The following PRRG2 variants were observed in gnomAD, a reference collection of about 807,000 sequenced individuals.
PRRG2 encodes proline rich and Gla domain 2.
In PRRG2, 23 loss-of-function variants were observed where a neutral mutation model predicts 27.1. The ratio of observed to expected loss-of-function variants is 0.85; its 90% CI spans 0.61 to 1.20. The LOEUF (loss-of-function observed/expected upper bound fraction) is 1.20. PRRG2 is among the 50% of genes most tolerant of loss of function. The probability of loss-of-function intolerance (pLI) is 0.00; values close to 1 mark genes in which losing one functional copy is unlikely to be tolerated. For synonymous variants in PRRG2, 104 were observed against 103.4 expected (o/e 1.01, Z -0.03); for missense variants, 276 against 254.8 (o/e 1.08, Z -0.57).
At position 49,590,401 on chromosome 19, in the gene PRRG2, C is replaced by G. The variant is rs746771081; in HGVS notation, c.*12C>G. The G allele has an allele frequency of 1.2e-6, 2 of 1,614,076 alleles. No individual in the cohort carries two copies. Among genetic ancestry groups the G allele is most frequent in the South Asian group, 1.1e-5 (1 of 91,082 alleles). On this transcript the variant is annotated 3_prime_UTR_variant, in exon 7 of 7. Coordinates refer to ENST00000246794, the MANE Select transcript of PRRG2 (RefSeq NM_000951.3). Reference sequence around the variant, plus strand: ...GGAGGCCTCACTGAAGAGCTGCTTTCGAGACCCGGCTCTCCGAACCGTGCC... The same window carrying G: ...GGAGGCCTCACTGAAGAGCTGCTTTGGAGACCCGGCTCTCCGAACCGTGCC...
Position 49,590,358 on chromosome 19 carries a change from T to C in PRRG2, c.591-13T>C. The C allele has an allele frequency of 6.2e-7, 1 of 1,614,160 alleles. No individual in the cohort carries two copies. Among genetic ancestry groups the C allele is most frequent in the South Asian group, 1.1e-5 (1 of 91,080 alleles). On this transcript the variant is annotated splice_polypyrimidine_tract_variant and intron_variant, in intron 6 of 6. Coordinates refer to ENST00000246794, the MANE Select transcript of PRRG2 (RefSeq NM_000951.3). The stretch of plus-strand genomic sequence containing the variant: ...CAGATCTTTGACTCCCTAGTGTGCC[T>C]TTCCTCTTGCAGCCTCAGGAGGCCT...
Position 49,583,637 on chromosome 19 carries a change from G to C in PRRG2, c.181G>C (p.Gly61Arg), listed in dbSNP as rs1256214467. ...CTGGGACCTGGAGCTGCTCACACCA[G>C]GGAACCTGGAACGGGAGTGTCTGGA... The part of the protein sequence containing the change: ...NHWDLELLTP[G>R]NLERECLEER... Residue 61 changes from glycine (G) to arginine (R), a missense_variant, in exon 3 of 7, where the codon GGG becomes CGG. Physicochemically the swap from Gly to Arg is moderately radical, Grantham distance 125 (BLOSUM62 -2). Transcript: ENST00000246794. The C allele has an allele frequency of 1.2e-6, 2 of 1,614,210 alleles. No homozygotes were observed. Among genetic ancestry groups the C allele is most frequent in the Non-Finnish European group, 1.7e-6 (2 of 1,180,036 alleles).
At chr19:49,583,999 C>A (rs1392444309) in intron 4 of PRRG2, 47 bp downstream of exon 4, 1 of 1,561,186 alleles carries the variant, frequency 6.4e-7, no homozygotes, top group African/African-American at 1.4e-5. Flanking sequence ...CTAAGGTAGT[C>A]CCTTCCCAGC....
chr19:49,589,966 C>G lies in PRRG2; in HGVS notation c.504C>G (p.Pro168=). ...PLGPPTPLPP[P]PPPPPGLPTY... The stretch of plus-strand genomic sequence containing the variant: ...GCCCACCGACGCCCCTGCCTCCACC[C>G]CCACCCCCACCCCCAGGCCTCCCCA... The change falls in exon 6 of 7, where the codon CCC becomes CCG. Residue 168 remains proline (P), a synonymous_variant. Transcript: ENST00000246794. 4 of 1,540,462 alleles carry G rather than the reference C, an allele frequency of 2.6e-6. No individual in the cohort carries two copies. The highest frequency in any genetic ancestry group is 3.5e-6 in the Non-Finnish European group (4 of 1,145,272).
At chr19:49,584,232 G>T (rs1265271614) in intron 4 of PRRG2, among the ~76,000 whole-genome samples, 3 of 149,462 alleles carry the variant, frequency 2.0e-5, no homozygotes, top group Non-Finnish European at 4.4e-5. Context: ...GTGCAATGGT[G>T]CGATCTCGGC....
At position 49,588,567 on chromosome 19, in the gene PRRG2, C is replaced by A; in HGVS notation, c.372C>A (p.Ala124=). Residue 124 remains alanine (A), a synonymous_variant, in exon 5 of 7, where the codon GCC becomes GCA. Coordinates refer to ENST00000246794, the MANE Select transcript of PRRG2 (RefSeq NM_000951.3). ...LTGGILLIVL[A]GLGAFWYLRW... ...GTGGCATCCTGCTCATTGTCCTGGC[C>A]GGCCTGGGAGCCTTTTGGTATCTGC... 6.4e-7 allele frequency: 1 copy of A among 1,561,382 alleles called. No individual in the cohort carries two copies.
intron 6 of PRRG2, 152 bp from the exon 7 acceptor site, chr19:49,590,219 G>A: frequency 1.4e-6 from 2 of 1,432,698 alleles, no homozygotes; most frequent in South Asian, 2.4e-5. Flanking sequence ...GTGGCCCAGC[G>A]TTGTATGTGT....
At chr19:49,582,133 C>T (rs191469119) in intron 1 of PRRG2, among the ~76,000 whole-genome samples, 225 of 148,238 alleles carry the variant, frequency 1.5e-3, no homozygotes, top group African/African-American at 5.2e-3. Flanking sequence ...CTCAACTACC[C>T]GGGAGGCTGA....
intron 5 of PRRG2, 103 bp from the exon 6 acceptor site, chr19:49,589,797 C>G (rs2080700895): frequency 1.5e-6 from 2 of 1,311,092 alleles, no homozygotes; most frequent in African/African-American, 2.9e-5. Context: ...CCAGCTCTGT[C>G]CCAGTGTCAC....
At chr19:49,590,262 G>C in intron 6 of PRRG2, 109 bp from the exon 7 acceptor site, 1 of 1,543,768 alleles carries the variant, frequency 6.5e-7, no homozygotes, top group Non-Finnish European at 8.9e-7. Flanking sequence ...CCTGTGCCCA[G>C]AGGGTCCTGG....
chr19:49,581,667 C>T (rs781568147), intron 1 of PRRG2, among the ~76,000 whole-genome samples, 186 bp downstream of exon 1: 1 of 152,056 alleles, frequency 6.6e-6, no homozygotes, highest in African/African-American at 2.4e-5. Context: ...TCTTTGTTGT[C>T]TGTGGGTGGA....
intron 5 of PRRG2, 138 bp from the exon 6 acceptor site, chr19:49,589,762 T>C: frequency 1.1e-6 from 1 of 947,372 alleles, no homozygotes; most frequent in Admixed American, 2.1e-5. Flanking sequence ...AAGGTGACCC[T>C]CCTTTTCTGA....
Position 49,590,795 on chromosome 19 carries a change from CGT to C in PRRG2, c.*409_*410del. On this transcript the variant is annotated 3_prime_UTR_variant, in exon 7 of 7. Transcript: ENST00000246794. ...ACGCAGAGCCCCGCCTGTGCACACG[CGT>C]GTCTTCGTGCACTCCCCGTGCGGTA... 3.8e-6 allele frequency: 1 copy of C among 265,248 alleles called. No homozygotes were observed. The highest frequency in any genetic ancestry group is 1.1e-4 in the East Asian group (1 of 9,218). 16.4% of individuals were successfully genotyped at this position (265,248 alleles called of 1,614,324 possible).
Position 49,590,413 on chromosome 19 carries a change from C to T in PRRG2, c.*24C>T, listed in dbSNP as rs1415189838. On this transcript the variant is annotated 3_prime_UTR_variant, in exon 7 of 7. Transcript: ENST00000246794. Reference sequence around the variant, plus strand: ...GAAGAGCTGCTTTCGAGACCCGGCTCTCCGAACCGTGCCCCTGATTCATAC... The same window carrying T: ...GAAGAGCTGCTTTCGAGACCCGGCTTTCCGAACCGTGCCCCTGATTCATAC... 3 of 1,614,074 alleles carry T rather than the reference C, an allele frequency of 1.9e-6. No individual in the cohort carries two copies. The highest frequency in any genetic ancestry group is 4.5e-5 in the East Asian group (2 of 44,892).
chr19:49,587,862 G>T (rs1315141483), intron 4 of PRRG2, among the ~76,000 whole-genome samples: 2 of 151,854 alleles, frequency 1.3e-5, no homozygotes, highest in Admixed American at 1.3e-4. Flanking sequence ...CAAGTGATCT[G>T]CCTGCCTCAG....
At chr19:49,582,946 G>A (rs2080638998) in intron 1 of PRRG2, among the ~76,000 whole-genome samples, 1 of 151,772 alleles carries the variant, frequency 6.6e-6, no homozygotes, top group Non-Finnish European at 1.5e-5. Context: ...CACGAGAATC[G>A]CTTGAACCCA....
At chr19:49,583,742 T>G in intron 3 of PRRG2, 25 bp downstream of exon 3, 1 of 1,612,442 alleles carries the variant, frequency 6.2e-7, no homozygotes, top group South Asian at 1.1e-5. Context: ...ACCCTGGAGT[T>G]TCGGGCCCTC....
intron 2 of PRRG2, 99 bp from the exon 3 acceptor site, chr19:49,583,443 C>T (rs763288381): frequency 2.6e-6 from 4 of 1,517,782 alleles, no homozygotes; most frequent in Non-Finnish European, 3.6e-6. Flanking sequence ...GGATTCCCAG[C>T]CCCTGCTCCT....
intron 4 of PRRG2, among the ~76,000 whole-genome samples, chr19:49,586,877 T>C (rs958815007): frequency 6.6e-6 from 1 of 151,900 alleles, no homozygotes; most frequent in Non-Finnish European, 1.5e-5. Context: ...CAACATTTTT[T>C]CCCCAGGCTC....
Sources: gnomAD v4.1 joint callset for allele counts (sites outside exome capture counted in the v4.1 genomes callset) on GRCh38, gnomAD v4.1.1 for gene constraint, MANE v1.5 for transcripts, NCBI Gene and HGNC (gene_info 2026-07-23, HGNC 2026-07-21) for gene names.